MAP4: variants seen among roughly 807,000 people sequenced by gnomAD.
MAP4 encodes the protein microtubule associated protein 4.
MAP4 carries 76 observed loss-of-function variants against 170.2 expected under a neutral mutation model. That is an observed-to-expected ratio of 0.45 (90% confidence interval 0.37 to 0.54). The LOEUF (loss-of-function observed/expected upper bound fraction) is 0.54. Ranked by LOEUF, MAP4 falls within the 20% of genes least tolerant of loss-of-function variation. The pLI, the probability that MAP4 is intolerant of heterozygous loss-of-function variation, is 0.00. For missense variants in MAP4, 2,506 were observed against 2,748.0 expected (o/e 0.91, Z 1.97); for synonymous variants, 909 against 994.5 (o/e 0.91, Z 1.62).
At chr3:48,017,285 C>T (rs938402167), upstream of MAP4, among the ~76,000 whole-genome samples, 2 of 152,138 alleles carry the variant, frequency 1.3e-5, no homozygotes, top group South Asian at 2.1e-4. Context: ...CTGCTTTTAT[C>T]TAACACAATG....
chr3:47,930,058 AG>A (rs1193354482), intron 3 of MAP4, among the ~76,000 whole-genome samples: 1 of 152,148 alleles, frequency 6.6e-6, no homozygotes, highest in Non-Finnish European at 1.5e-5. Flanking sequence ...TGAGCCTGGG[AG>A]GCGAAGGTTG....
In MAP4 at chr3:48,008,703, G is replaced by A. The variant is rs139695753; in HGVS notation, c.-20+7631C>T. On this transcript the variant is annotated intron_variant, in intron 1 of 20. Transcript: ENST00000683076. ...CGGAGGAGGGGTTTAATAATCTAGT[G>A]GATAGGATGACCCATTTTGTGGACA... is the stretch of plus-strand genomic sequence containing the variant. Among the ~76,000 whole-genome samples, 381 of 152,304 alleles carry A rather than the reference G, an allele frequency of 2.5e-3. 2 individuals carry two copies. Among genetic ancestry groups the A allele is most frequent in the African/African-American group, 8.8e-3 (366 of 41,556 alleles).
intron 1 of MAP4, among the ~76,000 whole-genome samples, chr3:48,087,755 A>ACACGCG (rs1559930220): frequency 1.3e-5 from 2 of 151,232 alleles, no homozygotes; most frequent in African/African-American, 4.9e-5. Context: ...GCACACACAC[A>ACACGCG]CACACACACA....
At chr3:48,080,573 A>G (rs2100146118) in intron 1 of MAP4, among the ~76,000 whole-genome samples, 1 of 152,184 alleles carries the variant, frequency 6.6e-6, no homozygotes. Context: ...TTGGCCAGGA[A>G]CAGTGGCTCA....
chr3:48,055,186 C>T (rs1043209726), intron 1 of MAP4, among the ~76,000 whole-genome samples: 8 of 63,216 alleles, frequency 1.3e-4, no homozygotes, highest in Non-Finnish European at 2.5e-4. Context: ...GTCTCCCTCT[C>T]CCTCTCCCTC....
At chr3:47,915,304 CG>C (rs969821909) in intron 7 of MAP4, among the ~76,000 whole-genome samples, 1 of 151,682 alleles carries the variant, frequency 6.6e-6, no homozygotes, top group African/African-American at 2.4e-5. Flanking sequence ...TTAGTGGAGA[CG>C]GGGTTTCTCC....
intron 10 of MAP4, among the ~76,000 whole-genome samples, chr3:47,888,802 G>A (rs974665854): frequency 1.4e-4 from 21 of 152,288 alleles, no homozygotes; most frequent in African/African-American, 4.8e-4. Context: ...ATGTAAAGAC[G>A]GCTTTGGAAT....
intron 1 of MAP4, among the ~76,000 whole-genome samples, chr3:48,056,526 TG>T (rs1448310089): frequency 2.4e-5 from 1 of 42,550 alleles, no homozygotes; most frequent in Admixed American, 2.0e-4. Flanking sequence ...CCGCCCCGTC[TG>T]GGAGGTGAGG....
intron 4 of MAP4, among the ~76,000 whole-genome samples, chr3:47,923,572 A>G (rs1053784774): frequency 1.5e-5 from 2 of 134,670 alleles, no homozygotes; most frequent in African/African-American, 5.7e-5. Context: ...TCTGGGCAAC[A>G]CACCGAGACC....
intron 1 of MAP4, among the ~76,000 whole-genome samples, chr3:48,075,447 C>G (rs1007785101): frequency 6.6e-6 from 1 of 151,784 alleles, no homozygotes; most frequent in Non-Finnish European, 1.5e-5. Context: ...ATTGCTTGAA[C>G]CTGGAAGGCA....
At chr3:47,968,977 A>AAACC (rs1247611496) in intron 3 of MAP4, among the ~76,000 whole-genome samples, 4 of 152,352 alleles carry the variant, frequency 2.6e-5, no homozygotes, top group Admixed American at 2.0e-4. Flanking sequence ...CAAACAAATT[A>AAACC]TATAACCTAG....
At chr3:47,874,571 C>A (rs1480357774) in intron 12 of MAP4, among the ~76,000 whole-genome samples, 1 of 152,216 alleles carries the variant, frequency 6.6e-6, no homozygotes, top group Non-Finnish European at 1.5e-5. Flanking sequence ...AGACACCTCT[C>A]CTTCCTACTC....
chr3:47,987,367 G>A, intron 2 of MAP4: 1 of 1,526,964 alleles, frequency 6.5e-7, no homozygotes, highest in South Asian at 1.2e-5. Flanking sequence ...AAAGTTCAGG[G>A]AAGAAAAGCA....
intron 2 of MAP4, among the ~76,000 whole-genome samples, chr3:47,990,992 C>T (rs2100091800): frequency 6.6e-6 from 1 of 152,124 alleles, no homozygotes; most frequent in Non-Finnish European, 1.5e-5. Context: ...ATGGTTTACA[C>T]AGGCAATGCT....
intron 3 of MAP4, among the ~76,000 whole-genome samples, chr3:47,970,964 G>T (rs905548871): frequency 6.6e-6 from 1 of 152,140 alleles, no homozygotes; most frequent in Admixed American, 6.5e-5. Context: ...GCTTAGAAAA[G>T]GATTGTAGTC....
intron 1 of MAP4, among the ~76,000 whole-genome samples, chr3:48,050,993 A>G (rs1016177664): frequency 2.6e-5 from 4 of 152,098 alleles, no homozygotes; most frequent in Admixed American, 2.6e-4. Flanking sequence ...ATTGACAAAC[A>G]GAGAAAAGAA....
In MAP4 at chr3:47,912,137, C is replaced by G; in HGVS notation, c.2284G>C (p.Glu762Gln). The G allele has an allele frequency of 6.5e-7, 1 of 1,536,156 alleles. No individual in the cohort carries two copies. The highest frequency in any genetic ancestry group is 8.7e-7 in the Non-Finnish European group (1 of 1,146,894). The change falls in exon 9 of 21, where the codon GAA becomes CAA. Residue 762 changes from glutamate (E) to glutamine (Q), a missense_variant. Coordinates refer to ENST00000683076, the MANE Select transcript of MAP4 (RefSeq NM_001385682.1). ...RDLGREAWDI[E>Q]STPIMMKKKK... ...TTCTTCATCATTATTGGTGTGCTTTCTATATCCCAGGCCTCCCTGCCAAGA... is the reference window on the plus strand; with the variant it reads ...TTCTTCATCATTATTGGTGTGCTTTGTATATCCCAGGCCTCCCTGCCAAGA...
intron 1 of MAP4, among the ~76,000 whole-genome samples, chr3:48,043,947 G>A (rs1314104676): frequency 6.6e-6 from 1 of 152,122 alleles, no homozygotes; most frequent in Non-Finnish European, 1.5e-5. Context: ...CTGGGGTCAA[G>A]CGATTCTCCT....
At chr3:48,005,089 C>T (rs764054640) in intron 1 of MAP4, among the ~76,000 whole-genome samples, 1 of 152,086 alleles carries the variant, frequency 6.6e-6, no homozygotes, top group East Asian at 1.9e-4. Context: ...CGGCCAGGCA[C>T]GGTGGCTCAC....
Sources: gnomAD v4.1 joint callset for allele counts (sites outside exome capture counted in the v4.1 genomes callset) on GRCh38, gnomAD v4.1.1 for gene constraint, MANE v1.5 for transcripts, NCBI Gene and HGNC (gene_info 2026-07-23, HGNC 2026-07-21) for gene names.